The following HTR2C variants were observed in gnomAD, a reference collection of about 807,000 sequenced individuals.
HTR2C encodes 5-hydroxytryptamine (serotonin) receptor 2C, G protein-coupled.
A neutral mutation model predicts 21.0 loss-of-function variants in HTR2C; 5 were observed. The observed-to-expected ratio is 0.24, with a 90% CI of 0.12 to 0.50. The LOEUF (loss-of-function observed/expected upper bound fraction) is 0.50. Among genes scored for constraint, HTR2C ranks in the 20% least tolerant of loss-of-function variants. The pLI is 0.98. For missense variants in HTR2C, 271 were observed against 371.2 expected (o/e 0.73, Z 2.22); for synonymous variants, 150 against 145.3 (o/e 1.03, Z -0.23).
chrX:114,800,889 A>T (rs2070339573), intron 4 of HTR2C, among the ~76,000 whole-genome samples: 1 of 111,383 alleles, frequency 9.0e-6, no homozygotes, highest in African/African-American at 3.3e-5. Flanking sequence ...ACATTTCACA[A>T]TAAGATATGA....
At chrX:114,646,816 G>T (rs782591860) in intron 2 of HTR2C, among the ~76,000 whole-genome samples, 2 of 111,579 alleles carry the variant, frequency 1.8e-5, no homozygotes, top group Non-Finnish European at 3.8e-5. Flanking sequence ...GTCTTTAATC[G>T]CCTTTAAGTT....
At chrX:114,747,277 T>C (rs896311022) in intron 4 of HTR2C, among the ~76,000 whole-genome samples, 2 of 112,412 alleles carry the variant, frequency 1.8e-5, no homozygotes, top group Admixed American at 1.9e-4. Flanking sequence ...AAGCAGACGT[T>C]GTACTTTATG....
chrX:114,736,026 C>T (rs1042149106), intron 4 of HTR2C, among the ~76,000 whole-genome samples: 128 of 109,398 alleles, frequency 1.2e-3, no homozygotes, highest in Non-Finnish European at 1.7e-3. Flanking sequence ...GGCAGGAGAA[C>T]GGTGTGAACC....
At chrX:114,797,498 A>C (rs1473026766) in intron 4 of HTR2C, among the ~76,000 whole-genome samples, 1 of 109,963 alleles carries the variant, frequency 9.1e-6, no homozygotes, top group Non-Finnish European at 1.9e-5. Context: ...TTGAATTTCT[A>C]ACCTATGCCA....
intron 4 of HTR2C, among the ~76,000 whole-genome samples, chrX:114,798,489 G>A (rs1485227384): frequency 1.8e-5 from 2 of 111,551 alleles, no homozygotes; most frequent in Non-Finnish European, 3.8e-5. Context: ...ATGTATTTTA[G>A]CATGCTTTAA....
intron 2 of HTR2C, among the ~76,000 whole-genome samples, chrX:114,646,961 A>G (rs182716620): frequency 7.5e-4 from 83 of 111,398 alleles, no homozygotes; most frequent in African/African-American, 2.5e-3. Context: ...TTTGAGAACT[A>G]TCTATACAGG....
intron 4 of HTR2C, among the ~76,000 whole-genome samples, chrX:114,773,535 T>C (rs961477260): frequency 2.7e-5 from 3 of 112,453 alleles, no homozygotes; most frequent in Non-Finnish European, 5.6e-5. Flanking sequence ...TCAGATACCA[T>C]GGAATCATAC....
intron 4 of HTR2C, among the ~76,000 whole-genome samples, chrX:114,794,217 C>A (rs2070265162): frequency 9.0e-6 from 1 of 110,973 alleles, no homozygotes; most frequent in Non-Finnish European, 1.9e-5. Flanking sequence ...TAGATGTGTT[C>A]TTTGTTGCTT....
intron 4 of HTR2C, among the ~76,000 whole-genome samples, chrX:114,834,282 T>A (rs1360931641): frequency 6.6e-4 from 72 of 108,377 alleles, no homozygotes; most frequent in Non-Finnish European, 7.8e-4. Context: ...CGTTGATCTG[T>A]CTAATGTTGA....
intron 4 of HTR2C, among the ~76,000 whole-genome samples, chrX:114,846,738 A>G (rs781940280): frequency 4.0e-4 from 45 of 112,655 alleles, no homozygotes; most frequent in Non-Finnish European, 7.7e-4. Flanking sequence ...GATCAGGGAA[A>G]AAAGGCAGAA....
At chrX:114,638,109 A>G (rs1439533858) in intron 2 of HTR2C, among the ~76,000 whole-genome samples, 1 of 111,641 alleles carries the variant, frequency 9.0e-6, no homozygotes, top group African/African-American at 3.3e-5. Context: ...GTTAAACAGA[A>G]TGCTTCGCTG....
chrX:114,708,071 T>C (rs142663666), intron 2 of HTR2C, among the ~76,000 whole-genome samples: 144 of 111,363 alleles, frequency 1.3e-3, no homozygotes, highest in African/African-American at 4.6e-3. Flanking sequence ...ATTATCAGAG[T>C]TGCATATTAG....
In HTR2C at chrX:114,874,944, C is replaced by G. The variant is rs888221012; in HGVS notation, c.550+26741C>G. 3.6e-5 allele frequency among the ~76,000 whole-genome samples: 4 copies of G among 111,711 alleles called. No individual in the cohort carries two copies. In the Admixed American group the frequency reaches 3.8e-4, roughly 11 times the overall value. ...GAATTCCCTCTATATTTTGGATATTCATACCTATATTTGTGGGTTCAGGCT... is the reference window on the plus strand; with the variant it reads ...GAATTCCCTCTATATTTTGGATATTGATACCTATATTTGTGGGTTCAGGCT... On this transcript the variant is annotated intron_variant, in intron 5 of 5. Transcript: ENST00000276198.
intron 2 of HTR2C, among the ~76,000 whole-genome samples, chrX:114,700,278 T>C (rs1382216833): frequency 8.9e-6 from 1 of 111,877 alleles, no homozygotes; most frequent in African/African-American, 3.3e-5. Flanking sequence ...ATGACCTCCA[T>C]TAAAAAATCA....
intron 2 of HTR2C, among the ~76,000 whole-genome samples, chrX:114,692,848 C>T (rs1932149119): frequency 9.0e-6 from 1 of 111,656 alleles, no homozygotes; most frequent in African/African-American, 3.2e-5. Flanking sequence ...AAGCCAATGG[C>T]TCACAGAAAG....
At chrX:114,722,227 C>CAA (rs1933248074) in intron 2 of HTR2C, among the ~76,000 whole-genome samples, 1 of 110,232 alleles carries the variant, frequency 9.1e-6, no homozygotes, top group Non-Finnish European at 1.9e-5. Flanking sequence ...TTGAAGAGGT[C>CAA]CTTCACATCC....
rs1034729999 is a variant in HTR2C at position 114,598,355 on chromosome X, C to G, written c.-147+13696C>G. Reference sequence around the variant, plus strand: ...GATGGATAAGACTTTTGTTTAACAACAGAAAAAGCCTCCATGAGTCTGGAG... The same window carrying G: ...GATGGATAAGACTTTTGTTTAACAAGAGAAAAAGCCTCCATGAGTCTGGAG... On this transcript the variant is annotated intron_variant, in intron 1 of 5. Transcript: ENST00000276198. Among the ~76,000 whole-genome samples, 11 of 111,772 alleles carry G rather than the reference C, an allele frequency of 9.8e-5. No homozygotes were observed. The East Asian group carries it at 2.8e-3, about 29-fold the overall frequency.
rs1366800342 is a variant in HTR2C at position 114,818,084 on chromosome X, C to T, written c.350-29919C>T. ...TACACTATATTAATAGAGTGAAAAACATAAACTACCTGATTACTTAAATGG... is the reference window on the plus strand; with the variant it reads ...TACACTATATTAATAGAGTGAAAAATATAAACTACCTGATTACTTAAATGG... On this transcript the variant is annotated intron_variant, in intron 4 of 5. Coordinates refer to ENST00000276198, the MANE Select transcript of HTR2C (RefSeq NM_000868.4). Among the ~76,000 whole-genome samples, 3 of 111,542 alleles carry T rather than the reference C, an allele frequency of 2.7e-5. No homozygotes were observed. The East Asian group carries it at 8.5e-4, about 31-fold the overall frequency.
chrX:114,871,613 C>T (rs782273650), intron 5 of HTR2C, among the ~76,000 whole-genome samples: 6 of 91,663 alleles, frequency 6.5e-5, no homozygotes, highest in East Asian at 7.6e-4. Flanking sequence ...CTGTGGCTTA[C>T]GATTTTTGTG....
Sources: allele counts gnomAD v4.1 joint callset (sites outside exome capture counted in the v4.1 genomes callset), GRCh38; gene constraint gnomAD v4.1.1; transcripts MANE v1.5; gene names NCBI Gene and HGNC (gene_info 2026-07-23, HGNC 2026-07-21).